APC: variants seen among roughly 807,000 people sequenced by gnomAD.
The protein encoded by APC is adenomatous polyposis coli protein.
In APC, 72 loss-of-function variants were observed where a neutral mutation model predicts 247.0. That is an observed-to-expected ratio of 0.29 (90% CI 0.24 to 0.35). APC has a LOEUF of 0.35. Among genes scored for constraint, APC ranks in the 10% least tolerant of loss-of-function variants. APC has a pLI of 1.00. For synonymous variants in APC, 1,254 were observed against 1,162.5 expected (o/e 1.08, Z -1.60); for missense variants, 3,400 against 3,360.7 (o/e 1.01, Z -0.29).
At chr5:112,829,150 C>G in intron 14 of APC, 178 bp downstream of exon 14, 1 of 538,062 alleles carries the variant, frequency 1.9e-6, no homozygotes. Context: ...TCCCTAATTT[C>G]TTTTTTGAGA....
chr5:112,820,505 A>T (rs1017626542), intron 10 of APC, among the ~76,000 whole-genome samples: 1 of 152,184 alleles, frequency 6.6e-6, no homozygotes, highest in Non-Finnish European at 1.5e-5. Flanking sequence ...TTTAAAAAGC[A>T]TAAGAAAAAA....
intron 8 of APC, among the ~76,000 whole-genome samples, chr5:112,807,020 C>A (rs1407477363): frequency 6.6e-6 from 1 of 151,864 alleles, no homozygotes; most frequent in Non-Finnish European, 1.5e-5. Context: ...GTAATCCCAG[C>A]TACTTGGGAG....
rs748729919 is a variant in APC, at chr5:112,843,241, T to A, written c.7647T>A (p.Arg2549=). ...TCAATAGGTCAGGAACCTGGAAACG[T>A]GAGCACAGCAAACATTCATCATCCC... ...LPINRSGTWK[R]EHSKHSSSLP... The change falls in exon 16 of 16, where the codon CGT becomes CGA. Residue 2549 remains arginine, a synonymous_variant. Transcript: ENST00000257430. The surrounding 1 kb of genome is among the most constrained non-coding windows in gnomAD (Gnocchi z 4.8). 3.1e-6 allele frequency: 5 copies of A among 1,613,880 alleles called. No individual in the cohort carries two copies. Among genetic ancestry groups the A allele is most frequent in the Non-Finnish European group, 4.2e-6 (5 of 1,179,810 alleles).
intron 2 of APC, among the ~76,000 whole-genome samples, chr5:112,762,221 G>C (rs1755753244): frequency 6.6e-6 from 1 of 152,200 alleles, no homozygotes; most frequent in Non-Finnish European, 1.5e-5. Context: ...TTAAAAGACT[G>C]ATCACACCAA....
At chr5:112,769,532 C>T (rs1331586925) in intron 4 of APC, among the ~76,000 whole-genome samples, 1 of 151,974 alleles carries the variant, frequency 6.6e-6, no homozygotes, top group Non-Finnish European at 1.5e-5. Flanking sequence ...TTTTATGTCC[C>T]CTAAAAGATT....
At chr5:112,750,218 C>T (rs544646745) in intron 1 of APC, among the ~76,000 whole-genome samples, 21 of 152,218 alleles carry the variant, frequency 1.4e-4, no homozygotes, top group Non-Finnish European at 3.1e-4. Flanking sequence ...CCGCTTCAGC[C>T]TCCCAAAGTG....
intron 12 of APC, 144 bp from the exon 13 acceptor site, chr5:112,827,785 C>T: frequency 1.4e-6 from 1 of 693,476 alleles, no homozygotes; most frequent in Non-Finnish European, 2.6e-6. Context: ...TTTAGGTAAT[C>T]TTATTCTAGA....
At chr5:112,709,249 A>G (rs1750710209) in intron 1 of APC, among the ~76,000 whole-genome samples, 1 of 152,214 alleles carries the variant, frequency 6.6e-6, no homozygotes, top group Non-Finnish European at 1.5e-5. Flanking sequence ...ATAGCCTGGC[A>G]GATTTGTTTA....
chr5:112,707,621 G>A, exon 1 of APC: 2 of 1,288,636 alleles, frequency 1.6e-6, no homozygotes, highest in Admixed American at 2.2e-5. Flanking sequence ...GGGAGCTGCG[G>A]ACCGAGGTTG....
intron 6 of APC, among the ~76,000 whole-genome samples, chr5:112,789,830 C>T (rs543415744): frequency 2.6e-5 from 4 of 151,950 alleles, no homozygotes; most frequent in African/African-American, 7.2e-5. Context: ...GTGAATTGGA[C>T]ATGGTAAGAT....
At chr5:112,833,608 G>GCCA (rs1168547143) in intron 14 of APC, among the ~76,000 whole-genome samples, 1 of 152,190 alleles carries the variant, frequency 6.6e-6, no homozygotes, top group Non-Finnish European at 1.5e-5. Context: ...GAAGGCATGA[G>GCCA]CCACCACACC....
intron 6 of APC, among the ~76,000 whole-genome samples, chr5:112,783,958 AT>A (rs573737647): frequency 4.0e-4 from 59 of 149,118 alleles, no homozygotes; most frequent in Admixed American, 1.3e-3. Context: ...GTAAGGTACT[AT>A]TTTTTTTTTG....
intron 2 of APC, among the ~76,000 whole-genome samples, chr5:112,762,524 G>C (rs1755787483): frequency 6.6e-6 from 1 of 152,112 alleles, no homozygotes; most frequent in South Asian, 2.1e-4. Context: ...TAAAAACAAT[G>C]AACTGATAAG....
At chr5:112,818,711 C>G (rs1762766042) in intron 9 of APC, among the ~76,000 whole-genome samples, 1 of 151,900 alleles carries the variant, frequency 6.6e-6, no homozygotes, top group Non-Finnish European at 1.5e-5. Context: ...CAAAAACCTA[C>G]TTTTGCTTTT....
At chr5:112,745,047 A>G (rs537282979) in intron 1 of APC, among the ~76,000 whole-genome samples, 3 of 152,368 alleles carry the variant, frequency 2.0e-5, no homozygotes, top group African/African-American at 7.2e-5. Flanking sequence ...TATTGTAAGT[A>G]CTAAATAGAT....
At chr5:112,820,609 A>G (rs1323517460) in intron 10 of APC, among the ~76,000 whole-genome samples, 1 of 152,220 alleles carries the variant, frequency 6.6e-6, no homozygotes, top group Non-Finnish European at 1.5e-5. Flanking sequence ...TTCTTTGGCT[A>G]TCCACAGTTA....
Position 112,755,022 on chromosome 5 carries a change from G to A in APC, c.132G>A (p.Met44Ile), listed in dbSNP as rs2149738872. The A allele has an allele frequency of 6.2e-7, 1 of 1,613,500 alleles. No individual in the cohort carries two copies. The highest frequency in any genetic ancestry group is 8.5e-7 in the Non-Finnish European group (1 of 1,179,578). The change falls in exon 2 of 16, where the codon ATG becomes ATA. Residue 44 changes from methionine to isoleucine, a missense_variant. Physicochemically the swap from Met to Ile is conservative, Grantham distance 10 (BLOSUM62 1). Around this residue, in one of 9 missense-constraint regions of APC, gnomAD observed 372 missense variants for 367.6 expected, o/e 1.01. Transcript: ENST00000257430. ...AACTGGAAACTGAGGCATCTAATAT[G>A]AAGGTATCAAGACTGTGACTTTTAA... ...LTKLETEASNMKEVLKQLQGS... is the reference protein window; with the variant it reads ...LTKLETEASNIKEVLKQLQGS...
At chr5:112,750,292 G>C (rs993712640) in intron 1 of APC, among the ~76,000 whole-genome samples, 8 of 151,848 alleles carry the variant, frequency 5.3e-5, no homozygotes, top group African/African-American at 1.9e-4. Flanking sequence ...CTCTTCAAAG[G>C]GTATGTAATA....
chr5:112,749,612 G>A (rs1057278077), intron 1 of APC, among the ~76,000 whole-genome samples: 3 of 149,572 alleles, frequency 2.0e-5, no homozygotes, highest in East Asian at 2.0e-4. Context: ...CTCAGCCTCC[G>A]GAGGCGCTGG....
Sources: gnomAD v4.1 joint callset for allele counts (sites outside exome capture counted in the v4.1 genomes callset) on GRCh38, gnomAD v4.1.1 for gene constraint, gnomAD v4.1.1 regional missense constraint, Gnocchi (gnomAD v3.1) non-coding constraint, MANE v1.5 for transcripts, NCBI Gene and HGNC (gene_info 2026-07-23, HGNC 2026-07-21) for gene names.